Variants in PCDH9 observed in about 807,000 individuals in gnomAD.
PCDH9 encodes the protein protocadherin-9.
In PCDH9, 24 loss-of-function variants were observed where a neutral mutation model predicts 70.6. The observed-to-expected ratio is 0.34, with a 90% CI of 0.25 to 0.48. The LOEUF (loss-of-function observed/expected upper bound fraction) is 0.48. Among genes scored for constraint, PCDH9 ranks in the 20% least tolerant of loss-of-function variants. The pLI is 0.99. For missense variants in PCDH9, 1,281 were observed against 1,503.6 expected, an observed-to-expected ratio of 0.85 and a Z score of 2.45; for synonymous variants, 562 against 558.5, an observed-to-expected ratio of 1.01 and a Z score of -0.09.
intron 2 of PCDH9, among the ~76,000 whole-genome samples, chr13:67,181,284 CTA>C (rs2088608491): frequency 6.6e-6 from 1 of 151,958 alleles, no homozygotes; most frequent in South Asian, 2.1e-4. Context: ...TTTCAACTTT[CTA>C]CTTAAAGCAG....
intron 2 of PCDH9, among the ~76,000 whole-genome samples, chr13:67,035,343 T>C (rs1246618409): frequency 2.6e-5 from 4 of 152,054 alleles, no homozygotes; most frequent in Non-Finnish European, 4.4e-5. Context: ...ATACATATAA[T>C]TGTAACTTCA....
chr13:66,674,226 G>A (rs2078213944), intron 3 of PCDH9, among the ~76,000 whole-genome samples: 1 of 152,096 alleles, frequency 6.6e-6, no homozygotes, highest in East Asian at 1.9e-4. Flanking sequence ...TTACCAATCT[G>A]TCCTTGTATT....
intron 2 of PCDH9, among the ~76,000 whole-genome samples, chr13:66,948,686 G>A (rs2139697512): frequency 6.6e-6 from 1 of 152,052 alleles, no homozygotes; most frequent in Non-Finnish European, 1.5e-5. Context: ...CAAAATGAGT[G>A]GCAAATTTTA....
chr13:67,140,498 A>C (rs1009804823), intron 2 of PCDH9, among the ~76,000 whole-genome samples: 1 of 152,208 alleles, frequency 6.6e-6, no homozygotes, highest in African/African-American at 2.4e-5. Context: ...TCTAGAAACC[A>C]GTCCTCTTTT....
intron 2 of PCDH9, among the ~76,000 whole-genome samples, chr13:67,193,456 G>T (rs533766245): frequency 4.6e-5 from 7 of 151,344 alleles, no homozygotes; most frequent in Non-Finnish European, 8.8e-5. Context: ...CTCTAATCAG[G>T]TTTCATTATA....
chr13:66,788,648 A>ATT (rs58386697), intron 3 of PCDH9, among the ~76,000 whole-genome samples: 1,206 of 81,646 alleles, frequency 0.015, 43 homozygotes, highest in African/African-American at 0.049. Context: ...CTAAACAGTA[A>ATT]TTTTTTTTTT....
At chr13:66,590,512 G>C (rs1169347810) in intron 4 of PCDH9, among the ~76,000 whole-genome samples, 1 of 151,736 alleles carries the variant, frequency 6.6e-6, no homozygotes, top group African/African-American at 2.4e-5. Context: ...AACTTTCTGG[G>C]ACAAAAAATC....
At chr13:66,568,972 C>A (rs760613505) in intron 4 of PCDH9, among the ~76,000 whole-genome samples, 2 of 140,338 alleles carry the variant, frequency 1.4e-5, no homozygotes, top group Non-Finnish European at 3.1e-5. Flanking sequence ...TTTCTATTAA[C>A]CTTCTGTTCT....
intron 2 of PCDH9, among the ~76,000 whole-genome samples, chr13:67,018,431 C>A (rs778155562): frequency 6.6e-6 from 1 of 151,894 alleles, no homozygotes. Context: ...CCATCCTGGT[C>A]AACATAGTGA....
intron 2 of PCDH9, among the ~76,000 whole-genome samples, chr13:66,938,514 A>G (rs1269177947): frequency 6.6e-6 from 1 of 152,352 alleles, no homozygotes; most frequent in East Asian, 1.9e-4. Context: ...AACCCTGTGT[A>G]CAACTGCAGC....
rs921123085 is a variant in PCDH9, at chr13:66,401,245, C to T, written c.3341-96217G>A. Among the ~76,000 whole-genome samples, 7 of 152,080 alleles carry T rather than the reference C, an allele frequency of 4.6e-5. No individual in the cohort carries two copies. In the South Asian group the frequency reaches 6.2e-4, roughly 14 times the overall value. Reference sequence around the variant, plus strand: ...TTGTAATCCCCATGTGTTGGGGTGTCGGGGAAGGGATCTCGTGGGAGGTGA... The same window carrying T: ...TTGTAATCCCCATGTGTTGGGGTGTTGGGGAAGGGATCTCGTGGGAGGTGA... On this transcript the variant is annotated intron_variant, in intron 4 of 4. Transcript: ENST00000377865.
intron 4 of PCDH9, among the ~76,000 whole-genome samples, chr13:66,376,037 A>C (rs528070027): frequency 6.6e-6 from 1 of 152,320 alleles, no homozygotes; most frequent in East Asian, 1.9e-4. Flanking sequence ...GAAGTTAAAC[A>C]ATTCAAAGTT....
intron 3 of PCDH9, among the ~76,000 whole-genome samples, chr13:66,640,350 AC>A (rs1226197589): frequency 6.6e-6 from 1 of 152,168 alleles, no homozygotes; most frequent in Non-Finnish European, 1.5e-5. Flanking sequence ...AATGGGAATC[AC>A]CCTAGCATTC....
intron 3 of PCDH9, among the ~76,000 whole-genome samples, chr13:66,812,439 C>T (rs2080526433): frequency 6.6e-6 from 1 of 152,154 alleles, no homozygotes; most frequent in South Asian, 2.1e-4. Flanking sequence ...AAAGAATAGA[C>T]ACTGATAAAT....
intron 3 of PCDH9, among the ~76,000 whole-genome samples, chr13:66,801,520 T>A (rs2080326575): frequency 1.3e-5 from 2 of 152,232 alleles, no homozygotes; most frequent in South Asian, 4.1e-4. Context: ...TCATTGAATA[T>A]TAATGAATTA....
At chr13:66,660,506 G>A (rs1429032394) in intron 3 of PCDH9, among the ~76,000 whole-genome samples, 2 of 152,100 alleles carry the variant, frequency 1.3e-5, no homozygotes, top group African/African-American at 2.4e-5. Context: ...CCAATACAAT[G>A]TTAATAATCT....
intron 4 of PCDH9, among the ~76,000 whole-genome samples, chr13:66,589,622 C>T (rs1255114647): frequency 6.6e-6 from 1 of 152,040 alleles, no homozygotes; most frequent in Non-Finnish European, 1.5e-5. Flanking sequence ...TTGATTCCCT[C>T]AAGGCTCCTA....
At chr13:66,652,926 A>G (rs756918423) in intron 3 of PCDH9, among the ~76,000 whole-genome samples, 3 of 152,186 alleles carry the variant, frequency 2.0e-5, no homozygotes, top group Non-Finnish European at 4.4e-5. Flanking sequence ...AGATGCCATG[A>G]AAACTGCATA....
At chr13:67,061,467 A>G (rs1218513604) in intron 2 of PCDH9, among the ~76,000 whole-genome samples, 3 of 152,074 alleles carry the variant, frequency 2.0e-5, no homozygotes, top group Admixed American at 2.0e-4. Context: ...GCTATATTCA[A>G]GTGCATAGAA....
Sources: gnomAD v4.1 joint callset for allele counts (sites outside exome capture counted in the v4.1 genomes callset) on GRCh38, gnomAD v4.1.1 for gene constraint, MANE v1.5 for transcripts, NCBI Gene and HGNC (gene_info 2026-07-23, HGNC 2026-07-21) for gene names.